ELMO1: variants seen among roughly 807,000 people sequenced by gnomAD.
The protein encoded by ELMO1 is engulfment and cell motility protein 1.
Under a neutral mutation model 98.9 loss-of-function variants are expected in ELMO1, and 26 were observed. The ratio of observed to expected loss-of-function variants is 0.26; its 90% CI spans 0.19 to 0.36. ELMO1 has a LOEUF of 0.36. Among genes scored for constraint, ELMO1 ranks in the 10% least tolerant of loss-of-function variants. ELMO1 has a pLI of 1.00. For synonymous variants in ELMO1, 346 were observed against 346.0 expected (o/e 1.00, Z 0.00); for missense variants, 627 against 935.2 (o/e 0.67, Z 4.30).
chr7:37,147,221 C>T lies in ELMO1; in HGVS notation c.1087-13987G>A, dbSNP rs577186915. ...TTCTTTAAGGTGAGGCACAAAGGTG[C>T]CTCATGAAAGAAACACCCAGGAAGA... On this transcript the variant is annotated intron_variant, in intron 13 of 21. Coordinates refer to ENST00000310758, the MANE Select transcript of ELMO1 (RefSeq NM_014800.11). 5.1e-4 allele frequency among the ~76,000 whole-genome samples: 78 copies of T among 152,298 alleles called. 2 individuals carry two copies. The Middle Eastern group carries it at 0.02, about 40-fold the overall frequency.
At chr7:37,106,324 G>T (rs1002247075) in intron 14 of ELMO1, among the ~76,000 whole-genome samples, 1 of 152,074 alleles carries the variant, frequency 6.6e-6, no homozygotes, top group Non-Finnish European at 1.5e-5. Context: ...CTTCTCTCTC[G>T]TGACTGGGAT....
intron 13 of ELMO1, among the ~76,000 whole-genome samples, chr7:37,208,833 G>C (rs1451233662): frequency 6.6e-6 from 1 of 152,118 alleles, no homozygotes; most frequent in Non-Finnish European, 1.5e-5. Flanking sequence ...ACTGGCCTGG[G>C]AGAAGTTGCA....
chr7:37,367,740 C>T (rs1164524374), intron 1 of ELMO1, among the ~76,000 whole-genome samples: 1 of 151,960 alleles, frequency 6.6e-6, no homozygotes, highest in Non-Finnish European at 1.5e-5. Flanking sequence ...CTACCAGAAA[C>T]AAACAAACAA....
intron 13 of ELMO1, among the ~76,000 whole-genome samples, chr7:37,160,808 C>G (rs10215450): frequency 0.71 from 107,336 of 151,936 alleles, 40,577 homozygotes; most frequent in Non-Finnish European, 0.83. Context: ...GACCTTCAGG[C>G]CTGATGGTCT....
intron 1 of ELMO1, chr7:37,375,895 G>A: frequency 1.5e-6 from 1 of 673,052 alleles, no homozygotes; most frequent in Non-Finnish European, 2.7e-6. Flanking sequence ...AGCCAACAGA[G>A]ATACGTGCAG....
At chr7:37,216,579 A>G in intron 11 of ELMO1, 66 bp downstream of exon 11, 3 of 1,573,496 alleles carry the variant, frequency 1.9e-6, no homozygotes, top group Non-Finnish European at 2.6e-6. Context: ...AAGCCAAAAG[A>G]AGAGATTAAC....
At chr7:37,412,397 C>T (rs943640313) in intron 1 of ELMO1, among the ~76,000 whole-genome samples, 5 of 152,178 alleles carry the variant, frequency 3.3e-5, no homozygotes, top group African/African-American at 1.2e-4. Context: ...CTATAGGAGG[C>T]TTCTGTGGTA....
chr7:37,096,797 T>C (rs1172198632), intron 14 of ELMO1, 70 bp from the exon 15 acceptor site: 3 of 1,352,798 alleles, frequency 2.2e-6, no homozygotes, highest in Admixed American at 1.7e-5. Context: ...ATCACCTTCA[T>C]TCCAATAGAT....
At chr7:37,065,622 C>T (rs950432070) in intron 15 of ELMO1, among the ~76,000 whole-genome samples, 5 of 152,160 alleles carry the variant, frequency 3.3e-5, no homozygotes, top group Admixed American at 6.6e-5. Context: ...TCTCTTGAGA[C>T]AATCTTAACT....
chr7:37,420,838 G>A (rs12540876), intron 1 of ELMO1, among the ~76,000 whole-genome samples: 57,023 of 152,048 alleles, frequency 0.38, 11,262 homozygotes, highest in East Asian at 0.59. Context: ...TTAGCCACAC[G>A]TGACCTGTCC....
chr7:37,426,896 T>G (rs573172059), intron 1 of ELMO1, among the ~76,000 whole-genome samples: 2 of 152,162 alleles, frequency 1.3e-5, no homozygotes, highest in South Asian at 4.2e-4. Context: ...AAAAAACTAT[T>G]TAAATATTCC....
At chr7:36,986,423 T>A in intron 16 of ELMO1, 1 of 207,368 alleles carries the variant, frequency 4.8e-6, no homozygotes, top group Non-Finnish European at 8.4e-6. Flanking sequence ...TATCCCCCAC[T>A]TTTTCTTATA....
intron 13 of ELMO1, among the ~76,000 whole-genome samples, chr7:37,193,285 G>A (rs1379095929): frequency 6.6e-6 from 1 of 152,046 alleles, no homozygotes; most frequent in Non-Finnish European, 1.5e-5. Context: ...TACCAGGTGG[G>A]GCTACGCAGC....
chr7:36,899,700 T>TTTTTTTTTTTTTTA (rs60221089), intron 16 of ELMO1, among the ~76,000 whole-genome samples: 4 of 143,542 alleles, frequency 2.8e-5, no homozygotes, highest in African/African-American at 8.0e-5. Flanking sequence ...TTTTTTTTTT[T>TTTTTTTTTTTTTTA]ACCACTCCTA....
intron 1 of ELMO1, among the ~76,000 whole-genome samples, chr7:37,359,829 T>A (rs1469108088): frequency 6.6e-6 from 1 of 152,228 alleles, no homozygotes; most frequent in Admixed American, 6.5e-5. Context: ...CCATTATTGA[T>A]CACGGTCACA....
chr7:37,375,803 T>C, intron 1 of ELMO1: 1 of 887,182 alleles, frequency 1.1e-6, no homozygotes, highest in South Asian at 1.4e-5. Flanking sequence ...CCTGCCACTG[T>C]ACACTGCAGC....
chr7:37,285,267 A>T (rs530628899), intron 4 of ELMO1, among the ~76,000 whole-genome samples: 247 of 152,290 alleles, frequency 1.6e-3, no homozygotes, highest in Non-Finnish European at 2.6e-3. Context: ...TTTCTGCAAC[A>T]GCTTCTTCTG....
intron 1 of ELMO1, among the ~76,000 whole-genome samples, chr7:37,401,250 C>T (rs760424318): frequency 5.9e-5 from 9 of 152,106 alleles, no homozygotes; most frequent in Non-Finnish European, 1.0e-4. Context: ...TAATTCAGCC[C>T]TCATGCACAG....
chr7:37,211,542 A>C, intron 12 of ELMO1, 25 bp from the exon 13 acceptor site: 1 of 1,610,490 alleles, frequency 6.2e-7, no homozygotes, highest in Non-Finnish European at 8.5e-7. Flanking sequence ...GAGTAAAAAG[A>C]AAAGGGAGGG....
Sources: gnomAD v4.1 joint callset for allele counts (sites outside exome capture counted in the v4.1 genomes callset) on GRCh38, gnomAD v4.1.1 for gene constraint, MANE v1.5 for transcripts, NCBI Gene and HGNC (gene_info 2026-07-23, HGNC 2026-07-21) for gene names.